MTREX: variants seen among roughly 807,000 people sequenced by gnomAD.
The protein encoded by MTREX is exosome RNA helicase MTR4.
In MTREX, 76 loss-of-function variants were observed where a neutral mutation model predicts 135.4. The observed-to-expected ratio is 0.56, with a 90% confidence interval of 0.47 to 0.68. The LOEUF (loss-of-function observed/expected upper bound fraction) is 0.68, where lower values mean the gene tolerates loss of function less well. Ranked by LOEUF, MTREX falls within the 30% of genes least tolerant of loss-of-function variation. The probability of loss-of-function intolerance (pLI) is 0.00; values close to 1 mark genes in which losing one functional copy is unlikely to be tolerated. For missense variants in MTREX, 920 were observed against 1,262.1 expected, an observed-to-expected ratio of 0.73 and a Z score of 4.11; for synonymous variants, 404 against 401.6, an observed-to-expected ratio of 1.01 and a Z score of -0.07.
At chr5:55,370,443 TA>T (rs980797664) in intron 16 of MTREX, among the ~76,000 whole-genome samples, 1 of 152,244 alleles carries the variant, frequency 6.6e-6, no homozygotes, top group African/African-American at 2.4e-5. Context: ...GGTTCTGACT[TA>T]CCTTTTAAAA....
chr5:55,420,969 T>C (rs1382386663), intron 25 of MTREX, among the ~76,000 whole-genome samples: 2 of 152,242 alleles, frequency 1.3e-5, no homozygotes, highest in African/African-American at 4.8e-5. Flanking sequence ...TTATGTTTTA[T>C]ATTTTACCAC....
chr5:55,416,405 G>A (rs532511332), intron 25 of MTREX, among the ~76,000 whole-genome samples: 1 of 152,036 alleles, frequency 6.6e-6, no homozygotes, highest in Non-Finnish European at 1.5e-5. Flanking sequence ...ACAAGCAGAT[G>A]ACCCTAAGAA....
intron 26 of MTREX, chr5:55,423,772 C>T (rs1182260761): frequency 6.6e-6 from 1 of 152,202 alleles, no homozygotes; most frequent in East Asian, 1.9e-4. Flanking sequence ...TCTACTGACT[C>T]TTGACCAAGA....
At chr5:55,359,000 C>T (rs534323440) in intron 15 of MTREX, among the ~76,000 whole-genome samples, 24 of 152,274 alleles carry the variant, frequency 1.6e-4, no homozygotes, top group African/African-American at 5.3e-4. Context: ...CCATCCACTG[C>T]ACAAGTTGTT....
At chr5:55,329,233 CA>C (rs1229535461) in intron 5 of MTREX, 1 of 153,600 alleles carries the variant, frequency 6.5e-6, no homozygotes, top group Non-Finnish European at 1.4e-5. Flanking sequence ...TCTGCGCAGT[CA>C]TGGCTCACTG....
intron 19 of MTREX, among the ~76,000 whole-genome samples, chr5:55,395,043 A>AT (rs1406927566): frequency 6.6e-6 from 1 of 151,664 alleles, no homozygotes; most frequent in African/African-American, 2.4e-5. Flanking sequence ...AAAAAAAAAA[A>AT]AGATAGTAAA....
At chr5:55,393,186 T>C (rs185619499) in intron 19 of MTREX, among the ~76,000 whole-genome samples, 6 of 152,348 alleles carry the variant, frequency 3.9e-5, no homozygotes, top group Admixed American at 3.9e-4. Context: ...AAGCTTGTTA[T>C]TCTTACCAAA....
At chr5:55,373,189 T>C (rs559002295) in intron 16 of MTREX, among the ~76,000 whole-genome samples, 4 of 151,560 alleles carry the variant, frequency 2.6e-5, no homozygotes, top group Admixed American at 1.3e-4. Context: ...TTTGTCTTAT[T>C]ATAGGTCATA....
intron 1 of MTREX, among the ~76,000 whole-genome samples, chr5:55,309,512 A>C (rs1022718939): frequency 9.9e-5 from 15 of 152,162 alleles, no homozygotes; most frequent in Admixed American, 6.5e-5. Flanking sequence ...GTTAAGGAAA[A>C]AATGGACAGG....
At chr5:55,406,738 C>A (rs1750814748) in intron 22 of MTREX, among the ~76,000 whole-genome samples, 1 of 152,120 alleles carries the variant, frequency 6.6e-6, no homozygotes, top group Admixed American at 6.5e-5. Context: ...GACAAAGGAA[C>A]TGAATTTTAT....
chr5:55,416,545 G>C (rs1006414503), intron 25 of MTREX, among the ~76,000 whole-genome samples: 1 of 152,070 alleles, frequency 6.6e-6, no homozygotes, highest in African/African-American at 2.4e-5. Context: ...TAGTCAGACT[G>C]TTATTGCAGC....
intron 11 of MTREX, 82 bp downstream of exon 11, chr5:55,347,226 C>A (rs545081085): frequency 3.2e-4 from 434 of 1,362,838 alleles, no homozygotes; most frequent in Admixed American, 6.6e-4. Flanking sequence ...TTATCTGTTA[C>A]ATATTACTAG....
At chr5:55,327,317 A>G (rs565761727) in intron 3 of MTREX, among the ~76,000 whole-genome samples, 3 of 152,162 alleles carry the variant, frequency 2.0e-5, no homozygotes, top group Non-Finnish European at 4.4e-5. Flanking sequence ...AACTATTTCT[A>G]GAGTCTCTTT....
intron 19 of MTREX, among the ~76,000 whole-genome samples, chr5:55,395,032 CAAAA>C (rs1174300617): frequency 7.8e-6 from 1 of 127,928 alleles, no homozygotes; most frequent in African/African-American, 2.9e-5. Context: ...GAATCCATCT[CAAAA>C]AAAAAAAAGA....
intron 17 of MTREX, 36 bp from the exon 18 acceptor site, chr5:55,379,091 T>G (rs775406640): frequency 6.7e-7 from 1 of 1,482,462 alleles, no homozygotes; most frequent in Admixed American, 1.7e-5. Flanking sequence ...TAGATATACA[T>G]TTGATTCTTG....
intron 22 of MTREX, among the ~76,000 whole-genome samples, chr5:55,409,184 T>C (rs1386670622): frequency 6.6e-6 from 1 of 151,986 alleles, no homozygotes; most frequent in Non-Finnish European, 1.5e-5. Flanking sequence ...ACTCCTGGGC[T>C]CAAGAGATCT....
intron 21 of MTREX, among the ~76,000 whole-genome samples, chr5:55,402,852 ATGTG>A (rs767239762): frequency 5.2e-5 from 6 of 114,490 alleles, no homozygotes; most frequent in African/African-American, 1.9e-4. Flanking sequence ...ATGTGTATGT[ATGTG>A]TGTGTGTGTG....
chr5:55,376,900 G>A (rs555357420), intron 16 of MTREX, among the ~76,000 whole-genome samples: 20 of 151,900 alleles, frequency 1.3e-4, no homozygotes, highest in South Asian at 2.1e-4. Flanking sequence ...TGAAACCCCC[G>A]TCTCTACTAA....
intron 14 of MTREX, chr5:55,356,403 G>A (rs371708967): frequency 4.1e-5 from 8 of 197,096 alleles, no homozygotes; most frequent in African/African-American, 1.6e-4. Flanking sequence ...GCTTTAACAC[G>A]TGGACTGGGC....
Sources: allele counts gnomAD v4.1 joint callset (sites outside exome capture counted in the v4.1 genomes callset), GRCh38; gene constraint gnomAD v4.1.1; transcripts MANE v1.5; gene names NCBI Gene and HGNC (gene_info 2026-07-23, HGNC 2026-07-21).